CRISPLD2: variants seen among roughly 807,000 people sequenced by gnomAD.
CRISPLD2 encodes the protein cysteine rich secretory protein LCCL domain containing 2, also known as cysteine-rich secretory protein LCCL domain-containing 2.
CRISPLD2 carries 47 observed loss-of-function variants against 71.1 expected under a neutral mutation model. That is an observed-to-expected ratio of 0.66 (90% confidence interval 0.52 to 0.84). The LOEUF is 0.84. Ranked by LOEUF, CRISPLD2 falls within the 40% of genes least tolerant of loss-of-function variation. The pLI, the probability that CRISPLD2 is intolerant of heterozygous loss-of-function variation, is 0.00. For missense variants in CRISPLD2, 830 were observed against 651.1 expected (o/e 1.27, Z -2.99); for synonymous variants, 317 against 250.1 (o/e 1.27, Z -2.52).
chr16:84,865,180 G>T (rs1917500901), intron 6 of CRISPLD2, among the ~76,000 whole-genome samples: 1 of 148,422 alleles, frequency 6.7e-6, no homozygotes, highest in Non-Finnish European at 1.5e-5. Context: ...TTTTGAGACA[G>T]AGTTTCGCTC....
chr16:84,833,915 G>C (rs1916551767), intron 1 of CRISPLD2, among the ~76,000 whole-genome samples: 1 of 152,186 alleles, frequency 6.6e-6, no homozygotes. Context: ...TTTAGGGCAA[G>C]ATTCGGTTGT....
intron 2 of CRISPLD2, among the ~76,000 whole-genome samples, chr16:84,842,818 T>G (rs1226913155): frequency 6.6e-6 from 1 of 152,194 alleles, no homozygotes; most frequent in Non-Finnish European, 1.5e-5. Flanking sequence ...CCTGGTGGCT[T>G]GGCCTTGGTC....
chr16:84,854,724 C>G lies in CRISPLD2; in HGVS notation c.609-5C>G, dbSNP rs768165826. 6.2e-7 allele frequency: 1 copy of G among 1,612,868 alleles called. No individual in the cohort carries two copies. Among genetic ancestry groups the G allele is most frequent in the Admixed American group, 1.7e-5 (1 of 60,008 alleles). On this transcript the variant is annotated splice_polypyrimidine_tract_variant and splice_region_variant and intron_variant, in intron 5 of 14. Coordinates refer to ENST00000262424, the MANE Select transcript of CRISPLD2 (RefSeq NM_031476.4). Reference sequence around the variant, plus strand: ...TCTGACGGTTGTTTTTGGGTCTGTCCTCAGGGGGAACTGGATTGGAGAAGC... The same window carrying G: ...TCTGACGGTTGTTTTTGGGTCTGTCGTCAGGGGGAACTGGATTGGAGAAGC...
chr16:84,845,634 C>A (rs1597454411), intron 2 of CRISPLD2, 152 bp from the exon 3 acceptor site: 1 of 628,456 alleles, frequency 1.6e-6, no homozygotes, highest in Non-Finnish European at 2.8e-6. Flanking sequence ...GCCTGCCACG[C>A]CCCCCTGGCT....
chr16:84,873,033 G>A lies in CRISPLD2; in HGVS notation c.1023G>A (p.Leu341=), dbSNP rs1175119845. 1 of 1,613,934 alleles carries A rather than the reference G, an allele frequency of 6.2e-7. No homozygotes were observed. The highest frequency in any genetic ancestry group is 8.5e-7 in the Non-Finnish European group (1 of 1,179,928). The stretch of plus-strand genomic sequence containing the variant: ...GCGCCGCCATCCACTACGGGATCCT[G>A]GATGACAAGGGAGGCCTGGTGGATA... ...ICRAAIHYGI[L]DDKGGLVDIT... The change falls in exon 10 of 15, where the codon CTG becomes CTA. Residue 341 remains leucine (L), a synonymous_variant. Transcript: ENST00000262424.
At chr16:84,885,750 CTT>C (rs1208602020) in intron 13 of CRISPLD2, among the ~76,000 whole-genome samples, 2 of 145,858 alleles carry the variant, frequency 1.4e-5, no homozygotes, top group Admixed American at 6.8e-5. Flanking sequence ...CCACTTTTCT[CTT>C]TTGTTTTTTA....
Position 84,853,636 on chromosome 16 carries a change from G to A in CRISPLD2, c.609-1093G>A, listed in dbSNP as rs1917150408. 3.9e-5 allele frequency among the ~76,000 whole-genome samples: 6 copies of A among 152,286 alleles called. No homozygotes were observed. The South Asian group carries it at 1.2e-3, about 32-fold the overall frequency. On this transcript the variant is annotated intron_variant, in intron 5 of 14. Transcript: ENST00000262424. Reference sequence around the variant, plus strand: ...CTATCAGACCCAGAGCGTGTTTCCTGCCGTTTGTCTTTGGCCAGCACTGGC... The same window carrying A: ...CTATCAGACCCAGAGCGTGTTTCCTACCGTTTGTCTTTGGCCAGCACTGGC...
At position 84,845,849 on chromosome 16, in the gene CRISPLD2, G is replaced by C. The variant is rs867948726; in HGVS notation, c.304G>C (p.Gly102Arg). Residue 102 changes from glycine to arginine, a missense_variant, in exon 3 of 15, where the codon GGG becomes CGG. Coordinates refer to ENST00000262424, the MANE Select transcript of CRISPLD2 (RefSeq NM_031476.4). ...AWASQCIWEH[G>R]PTSLLVSIGQ... ...GGCCAGTCAGTGCATCTGGGAGCAC[G>C]GGCCCACCAGTCTGCTGGTGTCCAT... 1.2e-6 allele frequency: 2 copies of C among 1,614,064 alleles called. No individual in the cohort carries two copies. Among genetic ancestry groups the C allele is most frequent in the Non-Finnish European group, 8.5e-7 (1 of 1,179,934 alleles).
chr16:84,892,022 ACT>A (rs1325375678), intron 14 of CRISPLD2, among the ~76,000 whole-genome samples: 1 of 151,674 alleles, frequency 6.6e-6, no homozygotes, highest in African/African-American at 2.4e-5. Flanking sequence ...TGCTCCTCAG[ACT>A]CTCTGCTCCT....
intron 11 of CRISPLD2, among the ~76,000 whole-genome samples, chr16:84,875,250 T>C (rs1049957287): frequency 1.5e-5 from 2 of 130,164 alleles, no homozygotes; most frequent in East Asian, 2.5e-4. Flanking sequence ...CAAAAAAATA[T>C]ATACATATGT....
chr16:84,876,576 T>C (rs1156857353), intron 11 of CRISPLD2, among the ~76,000 whole-genome samples: 3 of 151,814 alleles, frequency 2.0e-5, no homozygotes, highest in Non-Finnish European at 4.4e-5. Context: ...GTGGATTACC[T>C]GAGGTCAGGA....
At chr16:84,828,613 A>G (rs1037906107) in intron 1 of CRISPLD2, among the ~76,000 whole-genome samples, 1 of 152,108 alleles carries the variant, frequency 6.6e-6, no homozygotes, top group Non-Finnish European at 1.5e-5. Flanking sequence ...CGTCTTCAAG[A>G]AGGGAGAAAG....
At chr16:84,838,930 T>A (rs749363878) in intron 2 of CRISPLD2, 195 bp downstream of exon 2, 54 of 780,946 alleles carry the variant, frequency 6.9e-5, no homozygotes, top group Non-Finnish European at 1.5e-5. Context: ...ACTCTGCCAC[T>A]GACGCTGGAG....
intron 2 of CRISPLD2, among the ~76,000 whole-genome samples, chr16:84,845,384 A>G (rs1472233): frequency 0.87 from 132,256 of 152,068 alleles, 57,868 homozygotes; most frequent in African/African-American, 0.94. Context: ...TGGAACATGC[A>G]TAAGGAGAGG....
intron 5 of CRISPLD2, among the ~76,000 whole-genome samples, chr16:84,852,014 G>T (rs1917102331): frequency 6.6e-6 from 1 of 150,772 alleles, no homozygotes; most frequent in African/African-American, 2.5e-5. Context: ...GAAGTCCCCT[G>T]GACCAAGGGG....
intron 14 of CRISPLD2, among the ~76,000 whole-genome samples, chr16:84,899,299 C>G (rs1356524577): frequency 2.0e-5 from 3 of 152,162 alleles, no homozygotes; most frequent in African/African-American, 7.2e-5. Flanking sequence ...CCCAGAAATA[C>G]TGCAGCAATT....
At chr16:84,821,018 C>G (rs114078144) in intron 1 of CRISPLD2, among the ~76,000 whole-genome samples, 1,545 of 152,340 alleles carry the variant, frequency 0.01, 32 homozygotes, top group African/African-American at 0.034. Context: ...CGCAGTCCAA[C>G]TTGAATTGGG....
intron 1 of CRISPLD2, among the ~76,000 whole-genome samples, chr16:84,821,345 C>A (rs1439762977): frequency 1.3e-5 from 2 of 152,194 alleles, no homozygotes; most frequent in Admixed American, 1.3e-4. Context: ...TCTGGCTGTT[C>A]CCACTCAGGA....
chr16:84,836,678 G>A (rs1237556784), intron 1 of CRISPLD2, among the ~76,000 whole-genome samples: 1 of 152,136 alleles, frequency 6.6e-6, no homozygotes, highest in Admixed American at 6.5e-5. Context: ...TTCCTGGGAT[G>A]CCCGTCTTGG....
Sources: gnomAD v4.1 joint callset for allele counts (sites outside exome capture counted in the v4.1 genomes callset) on GRCh38, gnomAD v4.1.1 for gene constraint, MANE v1.5 for transcripts, NCBI Gene and HGNC (gene_info 2026-07-23, HGNC 2026-07-21) for gene names.